Variants in KCNH1 observed in about 807,000 individuals in gnomAD.
KCNH1 encodes the protein voltage-gated delayed rectifier potassium channel KCNH1.
In KCNH1, 27 loss-of-function variants were observed where a neutral mutation model predicts 69.2. The ratio of observed to expected loss-of-function variants is 0.39; its 90% CI spans 0.29 to 0.54. KCNH1 has a LOEUF of 0.54. Ranked by LOEUF, KCNH1 falls within the 20% of genes least tolerant of loss-of-function variation. The pLI is 0.68. For synonymous variants in KCNH1, 456 were observed against 487.7 expected, an observed-to-expected ratio of 0.93 and a Z score of 0.86; for missense variants, 798 against 1,261.6, an observed-to-expected ratio of 0.63 and a Z score of 5.57.
intron 5 of KCNH1, among the ~76,000 whole-genome samples, chr1:211,062,544 A>C (rs1690449587): frequency 6.6e-6 from 1 of 152,152 alleles, no homozygotes; most frequent in Admixed American, 6.5e-5. Context: ...AGGAGAAAAT[A>C]TTTGCAAACT....
intron 6 of KCNH1, among the ~76,000 whole-genome samples, chr1:210,987,045 C>T (rs1364668807): frequency 6.6e-6 from 1 of 152,194 alleles, no homozygotes; most frequent in Non-Finnish European, 1.5e-5. Context: ...CATCTTCCAT[C>T]ACTGATACCC....
At chr1:210,823,497 A>T (rs1381068992) in intron 7 of KCNH1, among the ~76,000 whole-genome samples, 1 of 152,178 alleles carries the variant, frequency 6.6e-6, no homozygotes, top group Non-Finnish European at 1.5e-5. Context: ...TTTTTCTTAC[A>T]GCACATGTTA....
chr1:210,778,403 G>A (rs1029969391), intron 9 of KCNH1, among the ~76,000 whole-genome samples: 1 of 152,012 alleles, frequency 6.6e-6, no homozygotes, highest in Non-Finnish European at 1.5e-5. Flanking sequence ...TGCACCTGTA[G>A]TTCCAACTAC....
chr1:210,726,373 C>G (rs1396216113), intron 10 of KCNH1, among the ~76,000 whole-genome samples: 1 of 152,214 alleles, frequency 6.6e-6, no homozygotes, highest in Non-Finnish European at 1.5e-5. Context: ...AGAAAGACCC[C>G]TCTCAGATGC....
At chr1:210,887,034 G>A (rs1686625840) in intron 7 of KCNH1, among the ~76,000 whole-genome samples, 1 of 152,020 alleles carries the variant, frequency 6.6e-6, no homozygotes, top group Non-Finnish European at 1.5e-5. Context: ...TCAAAATCAG[G>A]AAATACAGAG....
Position 210,681,493 on chromosome 1 carries a change from C to T in KCNH1, c.*1788G>A, listed in dbSNP as rs567490689. On this transcript the variant is annotated 3_prime_UTR_variant, in exon 11 of 11. Transcript: ENST00000271751. ...CCCTTGAGCTCGCAGGCCTTGTCTT[C>T]CCAGGGCCATCTGTGCCAACCCTGC... 6.6e-6 allele frequency: 1 copy of T among 152,398 alleles called. No homozygotes were observed. Among genetic ancestry groups the T allele is most frequent in the Non-Finnish European group, 1.5e-5 (1 of 68,150 alleles). 9.4% of individuals were successfully genotyped at this position (152,398 alleles called of 1,614,324 possible).
At position 210,909,559 on chromosome 1, in the gene KCNH1, G is replaced by A. The variant is rs576355372; in HGVS notation, c.1462+10081C>T. 6.6e-5 allele frequency among the ~76,000 whole-genome samples: 10 copies of A among 152,294 alleles called. No homozygotes were observed. The South Asian group carries it at 8.3e-4, about 13-fold the overall frequency. Reference sequence around the variant, plus strand: ...CGTTTCCATTTTCAGAAGAAGAAACGGGCCCAGGACTTAAGTACCTTCCTG... The same window carrying A: ...CGTTTCCATTTTCAGAAGAAGAAACAGGCCCAGGACTTAAGTACCTTCCTG... On this transcript the variant is annotated intron_variant, in intron 7 of 10. Coordinates refer to ENST00000271751, the MANE Select transcript of KCNH1 (RefSeq NM_172362.3).
At chr1:210,747,451 G>A (rs1683184003) in intron 10 of KCNH1, among the ~76,000 whole-genome samples, 2 of 152,166 alleles carry the variant, frequency 1.3e-5, no homozygotes, top group Non-Finnish European at 2.9e-5. Flanking sequence ...GGAAGGGAAA[G>A]GGAAGGGTGC....
At chr1:210,782,695 T>C (rs1684010713) in intron 9 of KCNH1, among the ~76,000 whole-genome samples, 1 of 151,886 alleles carries the variant, frequency 6.6e-6, no homozygotes, top group South Asian at 2.1e-4. Flanking sequence ...CATTGCATTC[T>C]GTCCTGGGCA....
intron 10 of KCNH1, among the ~76,000 whole-genome samples, chr1:210,743,981 T>G (rs1032765605): frequency 2.0e-5 from 3 of 152,160 alleles, no homozygotes; most frequent in African/African-American, 7.2e-5. Context: ...CAGCTTCTCA[T>G]GGGCCTTAGG....
intron 10 of KCNH1, among the ~76,000 whole-genome samples, chr1:210,755,546 T>C (rs1264177179): frequency 6.6e-6 from 1 of 152,244 alleles, no homozygotes; most frequent in African/African-American, 2.4e-5. Flanking sequence ...GGATTTGGCA[T>C]GCAAGCCCTT....
chr1:210,701,755 A>G lies in KCNH1; in HGVS notation c.2113-17617T>C, dbSNP rs140963722. Among the ~76,000 whole-genome samples, 84 of 151,542 alleles carry G rather than the reference A, an allele frequency of 5.5e-4. 1 individual carries two copies. The highest frequency in any genetic ancestry group is 1.9e-3 in the South Asian group (9 of 4,798). On this transcript the variant is annotated intron_variant, in intron 10 of 10. Transcript: ENST00000271751. ...CCATGTTTCTAAAAACAGTAGTTCCATTTTTTTCCCCCAGAGACATCGTTT... is the reference window on the plus strand; with the variant it reads ...CCATGTTTCTAAAAACAGTAGTTCCGTTTTTTTCCCCCAGAGACATCGTTT...
chr1:211,049,358 A>G (rs1690151212), intron 5 of KCNH1, among the ~76,000 whole-genome samples: 1 of 152,198 alleles, frequency 6.6e-6, no homozygotes, highest in South Asian at 2.1e-4. Context: ...GGCAGATAAC[A>G]CTCACATATG....
At chr1:210,688,313 C>T (rs1398337168) in intron 10 of KCNH1, among the ~76,000 whole-genome samples, 2 of 152,144 alleles carry the variant, frequency 1.3e-5, no homozygotes, top group African/African-American at 4.8e-5. Flanking sequence ...CTGAAGGGGA[C>T]CTCTTGTCTC....
intron 7 of KCNH1, among the ~76,000 whole-genome samples, chr1:210,839,581 C>A (rs1346014938): frequency 6.6e-6 from 1 of 152,126 alleles, no homozygotes; most frequent in Non-Finnish European, 1.5e-5. Context: ...TACCCCTGAA[C>A]TTAAAAGTTG....
intron 5 of KCNH1, among the ~76,000 whole-genome samples, chr1:211,032,192 T>C (rs1455108972): frequency 2.6e-5 from 4 of 152,122 alleles, no homozygotes; most frequent in African/African-American, 9.7e-5. Context: ...TACCTAGGAA[T>C]ACAACTTACA....
intron 5 of KCNH1, 150 bp downstream of exon 5, chr1:211,082,630 C>T (rs1244343113): frequency 8.9e-6 from 6 of 670,816 alleles, no homozygotes; most frequent in African/African-American, 1.8e-5. Context: ...TACCCAGTAT[C>T]ATACACTGTG....
chr1:210,996,590 C>A (rs563867409), intron 6 of KCNH1, among the ~76,000 whole-genome samples: 1 of 152,238 alleles, frequency 6.6e-6, no homozygotes, highest in East Asian at 1.9e-4. Flanking sequence ...ACAGCAGTAA[C>A]CTCTGCAGAC....
intron 6 of KCNH1, among the ~76,000 whole-genome samples, chr1:211,004,368 T>G (rs1467189872): frequency 6.6e-6 from 1 of 152,104 alleles, no homozygotes; most frequent in Non-Finnish European, 1.5e-5. Flanking sequence ...AATATACATA[T>G]AGTATATATA....
Sources: gnomAD v4.1 joint callset for allele counts (sites outside exome capture counted in the v4.1 genomes callset) on GRCh38, gnomAD v4.1.1 for gene constraint, MANE v1.5 for transcripts, NCBI Gene and HGNC (gene_info 2026-07-23, HGNC 2026-07-21) for gene names.